Variants in PEAK1 observed in about 807,000 individuals in gnomAD.
PEAK1 encodes the protein pseudopodium enriched atypical kinase 1.
In PEAK1, 54 loss-of-function variants were observed where a neutral mutation model predicts 124.7. The ratio of observed to expected loss-of-function variants is 0.43; its 90% confidence interval spans 0.35 to 0.54. The LOEUF (loss-of-function observed/expected upper bound fraction) is 0.54. PEAK1 is among the 20% of genes least tolerant of loss of function. PEAK1 has a pLI of 0.01. For missense variants in PEAK1, 2,046 were observed against 2,134.5 expected (o/e 0.96, Z 0.82); for synonymous variants, 719 against 760.0 (o/e 0.95, Z 0.89).
At chr15:77,204,194 A>T (rs2058514887) in intron 6 of PEAK1, among the ~76,000 whole-genome samples, 1 of 152,236 alleles carries the variant, frequency 6.6e-6, no homozygotes, top group South Asian at 2.1e-4. Flanking sequence ...TTAAAACAGT[A>T]AGGTACCACT....
chr15:77,328,920 T>A (rs998222156), intron 2 of PEAK1, among the ~76,000 whole-genome samples: 2 of 152,108 alleles, frequency 1.3e-5, no homozygotes, highest in African/African-American at 4.8e-5. Context: ...AAGTCAAACA[T>A]GATAAAACAT....
At chr15:77,417,707 C>A in intron 1 of PEAK1, 1 of 985,404 alleles carries the variant, frequency 1.0e-6, no homozygotes, top group Non-Finnish European at 1.2e-6. Context: ...AGCACCCGTT[C>A]CACTTAAACA....
intron 9 of PEAK1, among the ~76,000 whole-genome samples, chr15:77,126,485 T>C (rs932410354): frequency 6.6e-6 from 1 of 152,150 alleles, no homozygotes; most frequent in Non-Finnish European, 1.5e-5. Flanking sequence ...GCAGAACCTA[T>C]CTAATATGCT....
chr15:77,378,574 A>C (rs1159230748), intron 1 of PEAK1, among the ~76,000 whole-genome samples: 2 of 152,140 alleles, frequency 1.3e-5, no homozygotes, highest in Admixed American at 1.3e-4. Context: ...CACACTCTTT[A>C]CTATATACTA....
intron 2 of PEAK1, among the ~76,000 whole-genome samples, chr15:77,327,785 G>A (rs911495094): frequency 4.0e-5 from 6 of 151,330 alleles, no homozygotes; most frequent in Admixed American, 2.0e-4. Flanking sequence ...GTATAAGGGG[G>A]AAAAAATGCA....
At chr15:77,287,991 T>C (rs960938880) in intron 2 of PEAK1, among the ~76,000 whole-genome samples, 2 of 152,200 alleles carry the variant, frequency 1.3e-5, no homozygotes, top group Admixed American at 1.3e-4. Context: ...TCTCTCAATA[T>C]GACCAAATCA....
At chr15:77,154,057 G>A (rs1433854166) in intron 8 of PEAK1, among the ~76,000 whole-genome samples, 4 of 152,048 alleles carry the variant, frequency 2.6e-5, no homozygotes, top group African/African-American at 4.8e-5. Flanking sequence ...TTTCTGTCTC[G>A]TTGATCTGTC....
rs1349512239 is a variant in PEAK1, at chr15:77,369,630, A to G, written c.-665-4405T>C. On this transcript the variant is annotated intron_variant, in intron 1 of 9. Coordinates refer to ENST00000682557, the MANE Select transcript of PEAK1 (RefSeq NM_001385026.1). ...AGGTAGTATATTGCCACAAAGTTTA[A>G]AAGTTTAAAGGGGATCTTTACAGAG... Among the ~76,000 whole-genome samples the G allele has an allele frequency of 2.6e-5, 4 of 152,174 alleles. No individual in the cohort carries two copies. The East Asian group carries it at 7.7e-4, about 29-fold the overall frequency.
At chr15:77,222,181 G>A (rs1212369956) in intron 6 of PEAK1, among the ~76,000 whole-genome samples, 1 of 151,870 alleles carries the variant, frequency 6.6e-6, no homozygotes, top group Non-Finnish European at 1.5e-5. Flanking sequence ...AAAACATGAA[G>A]TAGAAACATA....
chr15:77,409,578 TAA>T (rs2072228353), intron 1 of PEAK1, among the ~76,000 whole-genome samples: 1 of 152,084 alleles, frequency 6.6e-6, no homozygotes, highest in Non-Finnish European at 1.5e-5. Context: ...GTTCAACAAA[TAA>T]AAGAAAAAAT....
rs372885983 is a variant in PEAK1 at position 77,202,867 on chromosome 15, T to C, written c.-114-20827A>G. The stretch of plus-strand genomic sequence containing the variant: ...GCCTAGGCAACATGGCAAAACCCTG[T>C]CTCTACCAAAAATACAAAAATTACC... On this transcript the variant is annotated intron_variant, in intron 6 of 9. Transcript: ENST00000682557. Among the ~76,000 whole-genome samples, 9 of 151,542 alleles carry C rather than the reference T, an allele frequency of 5.9e-5. No individual in the cohort carries two copies. In the South Asian group the frequency reaches 1.0e-3, roughly 18 times the overall value.
At chr15:77,294,148 A>G (rs925462288) in intron 2 of PEAK1, among the ~76,000 whole-genome samples, 7 of 152,190 alleles carry the variant, frequency 4.6e-5, no homozygotes, top group Non-Finnish European at 5.9e-5. Context: ...TCTGCTGGAT[A>G]AGACAACAGT....
intron 6 of PEAK1, among the ~76,000 whole-genome samples, chr15:77,219,395 A>G (rs1596675644): frequency 6.6e-6 from 1 of 152,318 alleles, no homozygotes; most frequent in East Asian, 1.9e-4. Context: ...GAGGGCTATT[A>G]TACAAGCAAA....
At chr15:77,393,873 G>T (rs1320523699) in intron 1 of PEAK1, among the ~76,000 whole-genome samples, 1 of 152,232 alleles carries the variant, frequency 6.6e-6, no homozygotes, top group East Asian at 1.9e-4. Flanking sequence ...TTTCAGATCT[G>T]CCCTGGGCCA....
In PEAK1 at chr15:77,152,269, G is replaced by A. The variant is rs559129601; in HGVS notation, c.3331+6234C>T. Among the ~76,000 whole-genome samples the A allele has an allele frequency of 3.1e-4, 47 of 152,072 alleles. No homozygotes were observed. The East Asian group carries it at 6.6e-3, about 21-fold the overall frequency. ...GAAGCAATTGTGAATGGGAGTTCAC[G>A]CATGATTTGGCTCTCTGTTTGTCTG... On this transcript the variant is annotated intron_variant, in intron 8 of 9. Transcript: ENST00000682557.
intron 6 of PEAK1, chr15:77,204,985 C>A: frequency 5.2e-6 from 1 of 192,222 alleles, no homozygotes; most frequent in Non-Finnish European, 1.1e-5. Flanking sequence ...GGAAAACAGG[C>A]CAAAGTGGCT....
chr15:77,303,525 C>T (rs940039345), intron 2 of PEAK1, among the ~76,000 whole-genome samples: 29 of 152,158 alleles, frequency 1.9e-4, no homozygotes, highest in Non-Finnish European at 1.2e-4. Context: ...TTTTTAAGTG[C>T]TAATTTTGCC....
chr15:77,124,043 C>T (rs2052157986), intron 9 of PEAK1, among the ~76,000 whole-genome samples: 1 of 152,246 alleles, frequency 6.6e-6, no homozygotes, highest in Admixed American at 6.5e-5. Flanking sequence ...TTCCTATTCG[C>T]TCTTTAACTC....
intron 5 of PEAK1, among the ~76,000 whole-genome samples, chr15:77,265,633 T>A (rs980081176): frequency 6.6e-6 from 1 of 151,578 alleles, no homozygotes; most frequent in Non-Finnish European, 1.5e-5. Context: ...TGTGGAGAAA[T>A]AGGAACACTT....
Sources: allele counts gnomAD v4.1 joint callset (sites outside exome capture counted in the v4.1 genomes callset), GRCh38; gene constraint gnomAD v4.1.1; transcripts MANE v1.5; gene names NCBI Gene and HGNC (gene_info 2026-07-23, HGNC 2026-07-21).